Variants in EXOSC8 observed in about 807,000 individuals in gnomAD.
The protein encoded by EXOSC8 is exosome component 8, also known as exosome complex component RRP43.
Under a neutral mutation model 39.9 loss-of-function variants are expected in EXOSC8, and 37 were observed. That is an observed-to-expected ratio of 0.93 (90% CI 0.71 to 1.22). The LOEUF (loss-of-function observed/expected upper bound fraction) is 1.22. EXOSC8 is among the 50% of genes most tolerant of loss of function. EXOSC8 has a pLI of 0.00. For missense variants in EXOSC8, 313 were observed against 326.6 expected (o/e 0.96, Z 0.32); for synonymous variants, 93 against 109.5 (o/e 0.85, Z 0.94).
At chr13:37,009,098 T>TGATAG in intron 10 of EXOSC8, 86 bp from the exon 11 acceptor site, 1 of 893,144 alleles carries the variant, frequency 1.1e-6, no homozygotes, top group Non-Finnish European at 1.8e-6. Flanking sequence ...ATCCAATTTT[T>TGATAG]TTGTTTTATA....
At chr13:37,004,923 C>G (rs2059128475) in intron 5 of EXOSC8, among the ~76,000 whole-genome samples, 1 of 152,036 alleles carries the variant, frequency 6.6e-6, no homozygotes, top group Non-Finnish European at 1.5e-5. Flanking sequence ...CAAGACCAGC[C>G]TGGGAAACAA....
chr13:37,006,641 G>A (rs966981204), intron 7 of EXOSC8, among the ~76,000 whole-genome samples: 2 of 151,968 alleles, frequency 1.3e-5, no homozygotes, highest in African/African-American at 4.8e-5. Flanking sequence ...CGTGCATTTT[G>A]AATTTTAGCT....
intron 7 of EXOSC8, 80 bp downstream of exon 7, chr13:37,006,240 T>G (rs2059138428): frequency 1.1e-6 from 1 of 906,652 alleles, no homozygotes; most frequent in East Asian, 2.4e-5. Context: ...AACAAGGAAA[T>G]TAAAACCACC....
At position 37,002,954 on chromosome 13, in the gene EXOSC8, G is replaced by T; in HGVS notation, c.139G>T (p.Gly47Cys). Residue 47 changes from glycine to cysteine, a missense_variant, in exon 4 of 11, where the codon GGT becomes TGT. Gly to Cys is a radical substitution (Grantham distance 159). Transcript: ENST00000389704. ...VNIGSISTAD[G>C]SALVKLGNTT... Reference sequence around the variant, plus strand: ...TTCAGGTTCAATTAGTACCGCAGATGGTTCTGCTTTAGTGAAGTTGGGAAA... The same window carrying T: ...TTCAGGTTCAATTAGTACCGCAGATTGTTCTGCTTTAGTGAAGTTGGGAAA... 1 of 1,610,732 alleles carries T rather than the reference G, an allele frequency of 6.2e-7. No individual in the cohort carries two copies. The highest frequency in any genetic ancestry group is 8.5e-7 in the Non-Finnish European group (1 of 1,177,288).
In EXOSC8 at chr13:37,009,291, C is replaced by G. The variant is rs2059201128; in HGVS notation, c.823C>G (p.Pro275Ala). 6.5e-7 allele frequency: 1 copy of G among 1,550,202 alleles called. No homozygotes were observed. Among genetic ancestry groups the G allele is most frequent in the Admixed American group, 1.7e-5 (1 of 58,826 alleles). Residue 275 changes from proline (P) to alanine (A), a missense_variant, in exon 11 of 11, where the codon CCC (proline) becomes GCC (alanine). Transcript: ENST00000389704. ...LMDEVIKSMK[P>A]K ...GGATGAAGTAATTAAGAGTATGAAA[C>G]CCAAATAAACAGCCACCACATTTTC...
At position 37,007,840 on chromosome 13, in the gene EXOSC8, T is replaced by TA. The variant is rs199916792; in HGVS notation, c.488-208dup. Among the ~76,000 whole-genome samples, 369 of 151,560 alleles carry TA rather than the reference T, an allele frequency of 2.4e-3. 3 individuals are homozygous for TA. Among genetic ancestry groups the TA allele is most frequent in the African/African-American group, 8.2e-3 (340 of 41,370 alleles). On this transcript the variant is annotated intron_variant, in intron 8 of 10. Transcript: ENST00000389704. ...AAAAAAATCATTGACTTCTTAAACT[T>TA]AAAAAAAAATTATGCAATAAGCACT...
chr13:37,002,165 G>C (rs2059110412), intron 1 of EXOSC8, 108 bp from the exon 2 acceptor site: 1 of 759,486 alleles, frequency 1.3e-6, no homozygotes, highest in South Asian at 1.8e-5. Context: ...TAGTTAAAAA[G>C]TTGTGGAGAT....
chr13:37,002,587 T>G (rs372690048), intron 3 of EXOSC8, 36 bp downstream of exon 3: 7 of 1,382,068 alleles, frequency 5.1e-6, no homozygotes, highest in Non-Finnish European at 7.0e-6. Context: ...CTGTATGATA[T>G]TCCCAAGTTT....
Position 37,000,834 on chromosome 13 carries a change from C to A in EXOSC8, c.17+12C>A. 1 of 1,563,446 alleles carries A rather than the reference C, an allele frequency of 6.4e-7. No homozygotes were observed. On this transcript the variant is annotated intron_variant, in intron 1 of 10. Coordinates refer to ENST00000389704, the MANE Select transcript of EXOSC8 (RefSeq NM_181503.3). ...GCGGCTGGGTTCAAGTGAGTGTTGG[C>A]GGGTGGCGGGTAGAGTTCTGTACCC...
In EXOSC8 at chr13:37,009,249, G is replaced by T. The variant is rs1221939030; in HGVS notation, c.781G>T (p.Glu261Ter). The change falls in exon 11 of 11, where the codon GAA becomes TAA. Residue 261 changes from glutamate (E) to a stop codon, truncating the protein, a stop_gained. Coordinates refer to ENST00000389704, the MANE Select transcript of EXOSC8 (RefSeq NM_181503.3). LOFTEE classifies it high-confidence loss of function. ...GAGCCGAGCAGTTACAAGACACAAAGAAGTTAAAAAACTGATGGATGAAGT... is the reference window on the plus strand; with the variant it reads ...GAGCCGAGCAGTTACAAGACACAAATAAGTTAAAAAACTGATGGATGAAGT... ...CMSRAVTRHKEVKKLMDEVIK... is the reference protein window; with the variant it reads ...CMSRAVTRHK 2 of 1,613,470 alleles carry T rather than the reference G, an allele frequency of 1.2e-6. No homozygotes were observed. The highest frequency in any genetic ancestry group is 2.2e-5 in the East Asian group (1 of 44,838).
At position 37,009,357 on chromosome 13, in the gene EXOSC8, C is replaced by A; in HGVS notation, c.*58C>A. 1 of 967,916 alleles carries A rather than the reference C, an allele frequency of 1.0e-6. No homozygotes were observed. The highest frequency in any genetic ancestry group is 1.6e-6 in the Non-Finnish European group (1 of 621,910). The allele number at this position is 967,916 out of a possible 1,614,324, so 60.0% of individuals were successfully genotyped here. ...AAATTGTATTTGTTAACACTGTGCACAAACGTTTTATACTAAATAAATATC... is the reference window on the plus strand; with the variant it reads ...AAATTGTATTTGTTAACACTGTGCAAAAACGTTTTATACTAAATAAATATC... On this transcript the variant is annotated 3_prime_UTR_variant, in exon 11 of 11. Transcript: ENST00000389704.
chr13:37,004,843 T>A (rs2059127960), intron 5 of EXOSC8, among the ~76,000 whole-genome samples: 1 of 152,180 alleles, frequency 6.6e-6, no homozygotes, highest in Non-Finnish European at 1.5e-5. Flanking sequence ...TGGCTGGGTG[T>A]GGTGACTCAC....
intron 7 of EXOSC8, among the ~76,000 whole-genome samples, chr13:37,006,553 TAG>T (rs566555203): frequency 1.3e-3 from 204 of 152,286 alleles, no homozygotes; most frequent in Admixed American, 4.1e-3. Flanking sequence ...GATTAGAACC[TAG>T]AGAGGCTTTC....
rs9576154 is a variant in EXOSC8, at chr13:37,006,914, T to G, written c.391-61T>G. 911,330 of 1,015,198 alleles carry G rather than the reference T, an allele frequency of 0.9. 409,806 individuals are homozygous for G. The highest frequency in any genetic ancestry group is 1 in the East Asian group (41,910 of 41,926). The allele number at this position is 1,015,198 out of a possible 1,614,324, so 62.9% of individuals were successfully genotyped here. ...GGTTCTGTGGTTCTTAAGTCTAAGC[T>G]AATAGCATGTTCTACCCATTAGAAG... On this transcript the variant is annotated intron_variant, in intron 7 of 10. Coordinates refer to ENST00000389704, the MANE Select transcript of EXOSC8 (RefSeq NM_181503.3).
At chr13:37,009,034 G>A (rs1365363906) in intron 10 of EXOSC8, 150 bp from the exon 11 acceptor site, 1 of 690,568 alleles carries the variant, frequency 1.4e-6, no homozygotes, top group East Asian at 2.7e-5. Context: ...AGAATCACTT[G>A]GAGGTCTTGT....
At chr13:37,006,923 G>A (rs937448789) in intron 7 of EXOSC8, 52 bp from the exon 8 acceptor site, 1 of 1,116,768 alleles carries the variant, frequency 9.0e-7, no homozygotes, top group Non-Finnish European at 1.4e-6. Flanking sequence ...CTAATAGCAT[G>A]TTCTACCCAT....
intron 5 of EXOSC8, among the ~76,000 whole-genome samples, chr13:37,004,914 A>G (rs1164973022): frequency 6.6e-6 from 1 of 152,170 alleles, no homozygotes; most frequent in Non-Finnish European, 1.5e-5. Flanking sequence ...CCAGCAGTTC[A>G]AGACCAGCCT....
Position 37,005,908 on chromosome 13 carries a change from T to C in EXOSC8, c.239-12T>C, listed in dbSNP as rs1593700940. 1 of 1,052,714 alleles carries C rather than the reference T, an allele frequency of 9.5e-7. No individual in the cohort carries two copies. Among genetic ancestry groups the C allele is most frequent in the Non-Finnish European group, 1.4e-6 (1 of 698,848 alleles). The allele number at this position is 1,052,714 out of a possible 1,614,324, so 65.2% of individuals were successfully genotyped here. ...AAAGGTTTAGTTCATAGCTGCAGAG[T>C]GTTTCTTTCAGTTCCTAATGTGGAT... On this transcript the variant is annotated splice_polypyrimidine_tract_variant and intron_variant, in intron 5 of 10. Transcript: ENST00000389704.
chr13:37,004,852 A>G (rs2059128038), intron 5 of EXOSC8, among the ~76,000 whole-genome samples: 1 of 152,198 alleles, frequency 6.6e-6, no homozygotes, highest in South Asian at 2.1e-4. Context: ...GTGGTGACTC[A>G]CACCTATAAT....
Sources: allele counts gnomAD v4.1 joint callset (sites outside exome capture counted in the v4.1 genomes callset), GRCh38; gene constraint gnomAD v4.1.1; transcripts MANE v1.5; gene names NCBI Gene and HGNC (gene_info 2026-07-23, HGNC 2026-07-21).